MGMT: variants seen among roughly 807,000 people sequenced by gnomAD.
MGMT encodes methylated-DNA--protein-cysteine methyltransferase.
In MGMT, 14 loss-of-function variants were observed where a neutral mutation model predicts 15.9. That is an observed-to-expected ratio of 0.88 (90% CI 0.58 to 1.37). The LOEUF is 1.37. MGMT is among the 40% of genes most tolerant of loss of function. The probability of loss-of-function intolerance (pLI) is 0.00; values close to 1 mark genes in which losing one functional copy is unlikely to be tolerated. For synonymous variants in MGMT, 130 were observed against 118.2 expected (o/e 1.10, Z -0.65); for missense variants, 282 against 268.1 (o/e 1.05, Z -0.36).
At chr10:129,664,726 G>GAATACAAA (rs1417745150) in intron 2 of MGMT, among the ~76,000 whole-genome samples, 5 of 152,270 alleles carry the variant, frequency 3.3e-5, no homozygotes, top group Admixed American at 3.3e-4. Flanking sequence ...TGAGAAGGAA[G>GAATACAAA]AATACAAAAT....
chr10:129,594,751 AC>A (rs1846730686), intron 2 of MGMT, among the ~76,000 whole-genome samples: 2 of 152,180 alleles, frequency 1.3e-5, no homozygotes, highest in African/African-American at 4.8e-5. Flanking sequence ...TCTCTCTCCT[AC>A]CACAGATACT....
intron 2 of MGMT, among the ~76,000 whole-genome samples, chr10:129,664,040 T>C (rs1847629492): frequency 6.6e-6 from 1 of 152,184 alleles, no homozygotes; most frequent in Admixed American, 6.5e-5. Context: ...AATATGGAAA[T>C]ATTGATGCAG....
At chr10:129,628,123 T>C (rs1420435110) in intron 2 of MGMT, among the ~76,000 whole-genome samples, 1 of 152,228 alleles carries the variant, frequency 6.6e-6, no homozygotes, top group Non-Finnish European at 1.5e-5. Context: ...AGCGGCATCC[T>C]AAAAGCAGCT....
At chr10:129,756,398 G>GC (rs1431723264) in intron 3 of MGMT, among the ~76,000 whole-genome samples, 3 of 152,340 alleles carry the variant, frequency 2.0e-5, no homozygotes, top group South Asian at 4.1e-4. Flanking sequence ...GCGTCACAGA[G>GC]CCCCAAGGTC....
intron 2 of MGMT, among the ~76,000 whole-genome samples, chr10:129,672,798 G>A (rs1847739378): frequency 6.6e-6 from 1 of 151,902 alleles, no homozygotes. Flanking sequence ...TCTATTTTTT[G>A]TCTTTATTTC....
chr10:129,583,784 A>G lies in MGMT; in HGVS notation c.125+47407A>G, dbSNP rs549082401. On this transcript the variant is annotated intron_variant, in intron 2 of 4. Coordinates refer to ENST00000651593, the MANE Select transcript of MGMT (RefSeq NM_002412.5). ...GAGGGAAGAGTATTCCATTCAACAG[A>G]TGGAAACACCATTGCATCTGACTGC... Among the ~76,000 whole-genome samples, 11 of 152,326 alleles carry G rather than the reference A, an allele frequency of 7.2e-5. No individual in the cohort carries two copies. In the South Asian group the frequency reaches 2.3e-3, roughly 32 times the overall value.
intron 2 of MGMT, among the ~76,000 whole-genome samples, chr10:129,543,297 G>A (rs1846064666): frequency 1.3e-5 from 2 of 152,292 alleles, no homozygotes; most frequent in African/African-American, 4.8e-5. Context: ...TAGGAGACGG[G>A]CTCTGCAGGC....
At position 129,659,622 on chromosome 10, in the gene MGMT, A is replaced by T. The variant is rs1847573286; in HGVS notation, c.126-48273A>T. ...GCAAATTGAGGGGTGAGGAAGTAGC[A>T]TGTACAAAGGCCCTGAAGATGAATG... On this transcript the variant is annotated intron_variant, in intron 2 of 4. Transcript: ENST00000651593. The surrounding 1 kb of genome is among the most constrained non-coding windows in gnomAD (Gnocchi z 4.1). Among the ~76,000 whole-genome samples, 1 of 152,342 alleles carries T rather than the reference A, an allele frequency of 6.6e-6. No individual in the cohort carries two copies. The highest frequency in any genetic ancestry group is 2.1e-4 in the South Asian group (1 of 4,816).
intron 1 of MGMT, among the ~76,000 whole-genome samples, chr10:129,527,607 A>G (rs184054768): frequency 1.4e-4 from 21 of 152,020 alleles, no homozygotes; most frequent in Non-Finnish European, 2.1e-4. Flanking sequence ...TGTTCACAGC[A>G]CGCTTATAGC....
rs766333772 is a variant in MGMT, at chr10:129,566,105, C to T, written c.125+29728C>T. 3.3e-5 allele frequency among the ~76,000 whole-genome samples: 5 copies of T among 152,212 alleles called. No homozygotes were observed. Among genetic ancestry groups the T allele is most frequent in the African/African-American group, 9.6e-5 (4 of 41,454 alleles). ...GTGGCCTGGCCACTTGCCTATTGTA[C>T]CAGCTCTCCAGGGCTGGGGACTTGC... On this transcript the variant is annotated intron_variant, in intron 2 of 4. Transcript: ENST00000651593. This position sits in a 1 kb window ranked among gnomAD's most constrained non-coding sequence, Gnocchi z 4.1.
chr10:129,626,703 C>G (rs186494531), intron 2 of MGMT, among the ~76,000 whole-genome samples: 223 of 152,346 alleles, frequency 1.5e-3, no homozygotes, highest in African/African-American at 4.9e-3. Context: ...AGCCTGACTT[C>G]CACTGGACAG....
chr10:129,579,597 G>A (rs117305647), intron 2 of MGMT, among the ~76,000 whole-genome samples: 4,957 of 152,324 alleles, frequency 0.033, 132 homozygotes, highest in South Asian at 0.065. Context: ...TGGGCCTGGC[G>A]CTGTTATCTC....
At chr10:129,668,561 AGT>A in intron 2 of MGMT, among the ~76,000 whole-genome samples, 6 of 152,210 alleles carry the variant, frequency 3.9e-5, no homozygotes, top group Non-Finnish European at 5.9e-5. Context: ...AAGTGAAATG[AGT>A]CTGTTTCTCA....
intron 2 of MGMT, among the ~76,000 whole-genome samples, chr10:129,577,131 A>G (rs551987817): frequency 0.052 from 7,879 of 152,198 alleles, 662 homozygotes; most frequent in African/African-American, 0.18. Context: ...TATAGATTCA[A>G]TGCCATCCCC....
At chr10:129,610,966 G>A (rs1846952745) in intron 2 of MGMT, among the ~76,000 whole-genome samples, 1 of 152,208 alleles carries the variant, frequency 6.6e-6, no homozygotes, top group African/African-American at 2.4e-5. Context: ...GAAAGTTCCA[G>A]CCAACAGGAT....
At chr10:129,476,847 T>C (rs1456212149) in intron 1 of MGMT, among the ~76,000 whole-genome samples, 3 of 152,144 alleles carry the variant, frequency 2.0e-5, no homozygotes, top group African/African-American at 7.2e-5. Flanking sequence ...TCTGGACATG[T>C]CAAACCCACA....
chr10:129,714,167 G>A (rs979163721), intron 3 of MGMT, among the ~76,000 whole-genome samples: 1 of 152,234 alleles, frequency 6.6e-6, no homozygotes, highest in African/African-American at 2.4e-5. Context: ...GCCTGCACGG[G>A]CTGGCCCCGT....
At chr10:129,739,413 A>C (rs1589969137) in intron 3 of MGMT, among the ~76,000 whole-genome samples, 1 of 152,360 alleles carries the variant, frequency 6.6e-6, no homozygotes, top group East Asian at 1.9e-4. Flanking sequence ...CCATTGTCTC[A>C]GCCCAAAATC....
intron 3 of MGMT, among the ~76,000 whole-genome samples, chr10:129,708,973 C>G (rs567096454): frequency 5.9e-4 from 90 of 152,332 alleles, no homozygotes; most frequent in African/African-American, 1.9e-3. Context: ...AAAGAAACCC[C>G]TGAAGGTTGG....
Sources: allele counts gnomAD v4.1 joint callset (sites outside exome capture counted in the v4.1 genomes callset), GRCh38; gene constraint gnomAD v4.1.1; non-coding constraint Gnocchi (gnomAD v3.1); transcripts MANE v1.5; gene names NCBI Gene and HGNC (gene_info 2026-07-23, HGNC 2026-07-21).